Variants in CEP162 observed in about 807,000 individuals in gnomAD.
CEP162 encodes centrosomal protein of 162 kDa.
In CEP162, 141 loss-of-function variants were observed where a neutral mutation model predicts 169.2. The ratio of observed to expected loss-of-function variants is 0.83; its 90% confidence interval spans 0.73 to 0.96. CEP162 has a LOEUF of 0.96. CEP162 is among the 40% of genes least tolerant of loss of function. The pLI is 0.00. For missense variants in CEP162, 1,600 were observed against 1,587.2 expected, an observed-to-expected ratio of 1.01 and a Z score of -0.14; for synonymous variants, 540 against 526.4, an observed-to-expected ratio of 1.03 and a Z score of -0.35.
chr6:84,149,512 G>C, intron 24 of CEP162, 50 bp downstream of exon 24: 1 of 1,445,386 alleles, frequency 6.9e-7, no homozygotes, highest in Non-Finnish European at 9.2e-7. Context: ...TCTCATTAAA[G>C]TCAAAACGAG....
intron 25 of CEP162, among the ~76,000 whole-genome samples, chr6:84,130,631 T>C (rs1455464910): frequency 2.6e-5 from 4 of 152,224 alleles, no homozygotes. Context: ...CTAGATTTTC[T>C]AGTTTATTTG....
intron 18 of CEP162, among the ~76,000 whole-genome samples, chr6:84,166,974 TA>T (rs1158422958): frequency 6.6e-6 from 1 of 152,210 alleles, no homozygotes; most frequent in Non-Finnish European, 1.5e-5. Flanking sequence ...ACGATTATTT[TA>T]AACTAACACC....
chr6:84,196,400 T>C (rs1264499874), intron 9 of CEP162, among the ~76,000 whole-genome samples: 3 of 152,206 alleles, frequency 2.0e-5, no homozygotes, highest in African/African-American at 7.2e-5. Context: ...CTGTATAAAT[T>C]ACTTAGTCTT....
chr6:84,164,916 G>A (rs2099527227), intron 18 of CEP162, among the ~76,000 whole-genome samples: 1 of 151,938 alleles, frequency 6.6e-6, no homozygotes, highest in South Asian at 2.1e-4. Flanking sequence ...CTCCTTGCAG[G>A]GTTAACCCAA....
chr6:84,216,124 T>C (rs1361456920), intron 3 of CEP162, among the ~76,000 whole-genome samples: 3 of 152,200 alleles, frequency 2.0e-5, no homozygotes, highest in Non-Finnish European at 4.4e-5. Context: ...TCATATTAAA[T>C]AGAATACTTC....
intron 21 of CEP162, among the ~76,000 whole-genome samples, chr6:84,158,319 A>G (rs1043995730): frequency 6.7e-4 from 102 of 152,200 alleles, no homozygotes; most frequent in African/African-American, 2.3e-3. Context: ...TAAGATGGGA[A>G]TGGTAACAGT....
At chr6:84,136,659 A>G (rs747813415) in intron 25 of CEP162, among the ~76,000 whole-genome samples, 2 of 152,212 alleles carry the variant, frequency 1.3e-5, no homozygotes, top group East Asian at 1.9e-4. Flanking sequence ...TTTCACTGCT[A>G]TATCTTAAGA....
Position 84,223,500 on chromosome 6 carries a change from AAAAT to A in CEP162, c.58-2333_58-2330del, listed in dbSNP as rs539333560. Among the ~76,000 whole-genome samples, 70 of 150,498 alleles carry A rather than the reference AAAAT, an allele frequency of 4.7e-4. 1 individual carries two copies. The highest frequency in any genetic ancestry group is 1.1e-3 in the Admixed American group (17 of 15,024). ...GGTGACAGAGCAAGGCTCTATCTCA[AAAAT>A]AAATAAATAAATAAATAAATAAATA... On this transcript the variant is annotated intron_variant, in intron 2 of 26. Transcript: ENST00000403245.
In CEP162 at chr6:84,166,989, A is replaced by AT. The variant is rs1397605652; in HGVS notation, c.2385+2338dup. ...ACGATTATTTTAAACTAACACCTTTATTTTTTTTCCCCTGATTTCTTTTAG... is the reference window on the plus strand; with the variant it reads ...ACGATTATTTTAAACTAACACCTTTATTTTTTTTTCCCCTGATTTCTTTTAG... On this transcript the variant is annotated intron_variant, in intron 18 of 26. Coordinates refer to ENST00000403245, the MANE Select transcript of CEP162 (RefSeq NM_014895.4). Among the ~76,000 whole-genome samples, 10 of 152,052 alleles carry AT rather than the reference A, an allele frequency of 6.6e-5. No individual in the cohort carries two copies. In the East Asian group the frequency reaches 1.9e-3, roughly 29 times the overall value.
At chr6:84,191,822 C>T (rs370293899) in intron 11 of CEP162, among the ~76,000 whole-genome samples, 52 of 152,212 alleles carry the variant, frequency 3.4e-4, no homozygotes, top group African/African-American at 1.2e-3. Flanking sequence ...AGATACTGAC[C>T]AAACTCATTT....
chr6:84,188,698 C>T (rs1038364962), intron 11 of CEP162, among the ~76,000 whole-genome samples: 1 of 152,116 alleles, frequency 6.6e-6, no homozygotes, highest in African/African-American at 2.4e-5. Flanking sequence ...TGAACATATG[C>T]ATGCATATGT....
intron 13 of CEP162, among the ~76,000 whole-genome samples, chr6:84,177,923 C>T (rs867244927): frequency 6.6e-6 from 1 of 152,036 alleles, no homozygotes; most frequent in Non-Finnish European, 1.5e-5. Flanking sequence ...AAGGACACAC[C>T]GTTATTTAGT....
At chr6:84,159,517 A>ATTT (rs2099524597) in intron 21 of CEP162, among the ~76,000 whole-genome samples, 1 of 88,508 alleles carries the variant, frequency 1.1e-5, no homozygotes, top group African/African-American at 4.6e-5. Context: ...TTTTAAAATT[A>ATTT]ATTATTTATA....
intron 17 of CEP162, among the ~76,000 whole-genome samples, chr6:84,170,373 CAAAAAAAAAAAAAAAA>C (rs57988482): frequency 7.1e-5 from 2 of 28,332 alleles, no homozygotes; most frequent in Non-Finnish European, 2.5e-4. Context: ...GACTCCGTCT[CAAAAAAAAAAAAAAAA>C]AAAAAAAAAA....
intron 25 of CEP162, among the ~76,000 whole-genome samples, chr6:84,135,382 A>G (rs1017458695): frequency 2.0e-5 from 3 of 152,230 alleles, no homozygotes; most frequent in Admixed American, 6.5e-5. Flanking sequence ...GAGAAGACAG[A>G]TATCACTGAC....
At position 84,133,852 on chromosome 6, in the gene CEP162, C is replaced by A. The variant is rs527243781; in HGVS notation, c.3871-7340G>T. On this transcript the variant is annotated intron_variant, in intron 25 of 26. Transcript: ENST00000403245. Reference sequence around the variant, plus strand: ...CCCTGCCCTGCTTCGGCTCACACTCCTTGGGCTGTACCCACTGTCCAACAA... The same window carrying A: ...CCCTGCCCTGCTTCGGCTCACACTCATTGGGCTGTACCCACTGTCCAACAA... Among the ~76,000 whole-genome samples, 3 of 152,144 alleles carry A rather than the reference C, an allele frequency of 2.0e-5. No homozygotes were observed. The South Asian group carries it at 6.2e-4, about 32-fold the overall frequency.
At position 84,136,111 on chromosome 6, in the gene CEP162, T is replaced by G. The variant is rs528454913; in HGVS notation, c.3871-9599A>C. Reference sequence around the variant, plus strand: ...ACAAGGCCTTGATATTGTTCAGGTGTTCATGTGATGCTGGGGTAAATTCTG... The same window carrying G: ...ACAAGGCCTTGATATTGTTCAGGTGGTCATGTGATGCTGGGGTAAATTCTG... On this transcript the variant is annotated intron_variant, in intron 25 of 26. Transcript: ENST00000403245. Among the ~76,000 whole-genome samples the G allele has an allele frequency of 2.0e-4, 30 of 152,348 alleles. 1 individual carries two copies. The South Asian group carries it at 6.0e-3, about 30-fold the overall frequency.
chr6:84,162,206 G>A (rs1490530610), intron 19 of CEP162, among the ~76,000 whole-genome samples: 2 of 152,088 alleles, frequency 1.3e-5, no homozygotes, highest in African/African-American at 2.4e-5. Context: ...AAGTAAAGTT[G>A]TTTCCATGGG....
intron 11 of CEP162, among the ~76,000 whole-genome samples, chr6:84,187,401 T>C (rs1303270023): frequency 6.6e-6 from 1 of 152,206 alleles, no homozygotes; most frequent in African/African-American, 2.4e-5. Flanking sequence ...GGCTACCATT[T>C]TCATATAATG....
Sources: gnomAD v4.1 joint callset for allele counts (sites outside exome capture counted in the v4.1 genomes callset) on GRCh38, gnomAD v4.1.1 for gene constraint, MANE v1.5 for transcripts, NCBI Gene and HGNC (gene_info 2026-07-23, HGNC 2026-07-21) for gene names.